The following TAFA4 variants were observed in gnomAD, a reference collection of about 807,000 sequenced individuals.
The protein encoded by TAFA4 is chemokine-like protein TAFA-4.
A neutral mutation model predicts 21.1 loss-of-function variants in TAFA4; 20 were observed. The observed-to-expected ratio is 0.95, with a 90% CI of 0.67 to 1.38. TAFA4 has a LOEUF of 1.38. TAFA4 is among the 40% of genes most tolerant of loss of function. The pLI is 0.00. For synonymous variants in TAFA4, 71 were observed against 67.4 expected (o/e 1.05, Z -0.26); for missense variants, 211 against 180.9 (o/e 1.17, Z -0.95).
At chr3:68,753,161 T>C (rs2106753415) in intron 3 of TAFA4, 143 bp from the exon 4 acceptor site, 1 of 776,976 alleles carries the variant, frequency 1.3e-6, no homozygotes, top group Middle Eastern at 3.5e-4. Context: ...TTTGATAACA[T>C]ATTATTTCAA....
At chr3:68,778,025 T>A (rs1482597906) in intron 3 of TAFA4, among the ~76,000 whole-genome samples, 1 of 152,176 alleles carries the variant, frequency 6.6e-6, no homozygotes, top group African/African-American at 2.4e-5. Context: ...AACACATGAC[T>A]GTAGATTTCA....
chr3:68,929,441 G>A (rs2090139886), intron 1 of TAFA4, among the ~76,000 whole-genome samples: 1 of 152,058 alleles, frequency 6.6e-6, no homozygotes, highest in South Asian at 2.1e-4. Context: ...TATACTGTAT[G>A]GCCTCCCAAT....
intron 3 of TAFA4, among the ~76,000 whole-genome samples, chr3:68,756,730 C>T (rs1005799965): frequency 2.0e-5 from 3 of 152,122 alleles, no homozygotes; most frequent in African/African-American, 7.2e-5. Context: ...TTTCAATCTA[C>T]TACTTAAGAA....
At position 68,815,572 on chromosome 3, in the gene TAFA4, A is replaced by G. The variant is rs575788972; in HGVS notation, c.131-62554T>C. Among the ~76,000 whole-genome samples, 11 of 152,384 alleles carry G rather than the reference A, an allele frequency of 7.2e-5. No individual in the cohort carries two copies. In the South Asian group the frequency reaches 2.3e-3, roughly 32 times the overall value. ...AAAGACGCATGAAAAAATGTTCATT[A>G]TCACTGGCCATCGGAGAAATGCAAA... On this transcript the variant is annotated intron_variant, in intron 3 of 5. Transcript: ENST00000295569.
chr3:68,888,727 A>G (rs1407037799), intron 1 of TAFA4, among the ~76,000 whole-genome samples: 2 of 152,138 alleles, frequency 1.3e-5, no homozygotes, highest in African/African-American at 4.8e-5. Context: ...TGGAAGGGAA[A>G]GAGTGCTCAA....
chr3:68,916,588 C>T (rs778315524), intron 1 of TAFA4, among the ~76,000 whole-genome samples: 23 of 152,318 alleles, frequency 1.5e-4, no homozygotes, highest in Middle Eastern at 3.4e-3. Flanking sequence ...TCATTTCACC[C>T]CACATGTAAC....
intron 3 of TAFA4, among the ~76,000 whole-genome samples, chr3:68,817,334 C>G (rs1704003906): frequency 6.6e-6 from 1 of 152,156 alleles, no homozygotes. Context: ...ACTTCTAACT[C>G]TCTTGCTATT....
At chr3:68,812,938 C>A (rs1703874836) in intron 3 of TAFA4, among the ~76,000 whole-genome samples, 1 of 152,168 alleles carries the variant, frequency 6.6e-6, no homozygotes, top group Non-Finnish European at 1.5e-5. Context: ...AAGTACTCCT[C>A]AGCAAATGTA....
At chr3:68,808,511 G>A (rs948810590) in intron 3 of TAFA4, among the ~76,000 whole-genome samples, 8 of 152,148 alleles carry the variant, frequency 5.3e-5, no homozygotes, top group African/African-American at 1.4e-4. Context: ...CCCTCTGAAT[G>A]AGCCACCATA....
chr3:68,848,799 G>A (rs1039246436), intron 3 of TAFA4, among the ~76,000 whole-genome samples: 2 of 152,090 alleles, frequency 1.3e-5, no homozygotes, highest in African/African-American at 4.8e-5. Flanking sequence ...CCTCCAGCAT[G>A]ACCATCTTGG....
chr3:68,757,453 T>A (rs186257254), intron 3 of TAFA4, among the ~76,000 whole-genome samples: 5 of 152,286 alleles, frequency 3.3e-5, no homozygotes, highest in Admixed American at 2.6e-4. Flanking sequence ...CAAACCATCA[T>A]GCCTTGGTTA....
rs145729724 is a variant in TAFA4, at chr3:68,787,842, G to A, written c.131-34824C>T. Among the ~76,000 whole-genome samples the A allele has an allele frequency of 1.4e-4, 22 of 152,284 alleles. No homozygotes were observed. In the East Asian group the frequency reaches 3.7e-3, roughly 25 times the overall value. ...ATGTTGTGTAATAAAGCTTCTAGAC[G>A]AGCACTCAAAACTAGCAACTTGTAA... On this transcript the variant is annotated intron_variant, in intron 3 of 5. Coordinates refer to ENST00000295569, the MANE Select transcript of TAFA4 (RefSeq NM_182522.5).
intron 3 of TAFA4, among the ~76,000 whole-genome samples, chr3:68,764,786 C>T (rs1317691364): frequency 6.6e-6 from 1 of 152,076 alleles, no homozygotes; most frequent in Non-Finnish European, 1.5e-5. Context: ...GAAGTGGCTC[C>T]CCATGCTCAG....
chr3:68,893,794 T>G (rs971227366), intron 1 of TAFA4, among the ~76,000 whole-genome samples: 1 of 152,210 alleles, frequency 6.6e-6, no homozygotes, highest in Non-Finnish European at 1.5e-5. Context: ...CTGTATTACA[T>G]TTCAACCTTA....
rs374200766 is a variant in TAFA4 at position 68,783,711 on chromosome 3, GAA to G, written c.131-30695_131-30694del. 0.014 allele frequency among the ~76,000 whole-genome samples: 773 copies of G among 55,416 alleles called. 6 individuals are homozygous for G. In the East Asian group the frequency reaches 0.16, roughly 12 times the overall value. 36.4% of individuals were successfully genotyped at this position (55,416 alleles called of 152,430 possible). Reference sequence around the variant, plus strand: ...AGAGAGAGAGAGAGAGAGAGAGAAAGAAAAAGAAAGAAAGAAAGAAAGAAAGA... The same window carrying G: ...AGAGAGAGAGAGAGAGAGAGAGAAAGAAAGAAAGAAAGAAAGAAAGAAAGA... On this transcript the variant is annotated intron_variant, in intron 3 of 5. Transcript: ENST00000295569.
At chr3:68,908,720 C>A (rs553456425) in intron 1 of TAFA4, among the ~76,000 whole-genome samples, 2 of 152,270 alleles carry the variant, frequency 1.3e-5, no homozygotes, top group Admixed American at 1.3e-4. Context: ...GTAAGTCATA[C>A]AATATGGTTG....
chr3:68,781,004 C>G (rs1025911824), intron 3 of TAFA4, among the ~76,000 whole-genome samples: 1 of 151,540 alleles, frequency 6.6e-6, no homozygotes, highest in Non-Finnish European at 1.5e-5. Context: ...TGGAAAAATC[C>G]AAACTATTGA....
chr3:68,916,015 G>A (rs1256659110), intron 1 of TAFA4: 1 of 152,198 alleles, frequency 6.6e-6, no homozygotes, highest in African/African-American at 2.4e-5. Context: ...TGACAGACAA[G>A]TTCAAAACCT....
chr3:68,866,975 G>A (rs1287818179), intron 3 of TAFA4, among the ~76,000 whole-genome samples: 3 of 151,922 alleles, frequency 2.0e-5, no homozygotes, highest in Non-Finnish European at 2.9e-5. Flanking sequence ...TGTCTAAGAC[G>A]GAATTGAGAA....
Sources: allele counts gnomAD v4.1 joint callset (sites outside exome capture counted in the v4.1 genomes callset), GRCh38; gene constraint gnomAD v4.1.1; transcripts MANE v1.5; gene names NCBI Gene and HGNC (gene_info 2026-07-23, HGNC 2026-07-21).